Variants in DYNC2H1 observed in about 807,000 individuals in gnomAD.
DYNC2H1 encodes the protein cytoplasmic dynein 2 heavy chain 1.
Under a neutral mutation model 570.0 loss-of-function variants are expected in DYNC2H1, and 410 were observed. That is an observed-to-expected ratio of 0.72 (90% CI 0.66 to 0.78). DYNC2H1 has a LOEUF of 0.78. Among genes scored for constraint, DYNC2H1 ranks in the 30% least tolerant of loss-of-function variants. The pLI, the probability that DYNC2H1 is intolerant of heterozygous loss-of-function variation, is 0.00. For synonymous variants in DYNC2H1, 1,688 were observed against 1,677.6 expected (o/e 1.01, Z -0.15); for missense variants, 4,865 against 5,046.4 (o/e 0.96, Z 1.09).
At chr11:103,462,049 G>C (rs903588683) in intron 87 of DYNC2H1, among the ~76,000 whole-genome samples, 3 of 152,002 alleles carry the variant, frequency 2.0e-5, no homozygotes, top group African/African-American at 2.4e-5. Context: ...TCTTTCCAGT[G>C]GTTTGTTTGA....
intron 85 of DYNC2H1, among the ~76,000 whole-genome samples, chr11:103,440,469 A>G (rs1944227806): frequency 3.3e-5 from 5 of 152,144 alleles, no homozygotes; most frequent in East Asian, 3.9e-4. Context: ...ACGTTGCTCT[A>G]CTACCAAATC....
chr11:103,165,344 G>A (rs1174382303), intron 30 of DYNC2H1, among the ~76,000 whole-genome samples: 1 of 152,096 alleles, frequency 6.6e-6, no homozygotes, highest in Non-Finnish European at 1.5e-5. Flanking sequence ...AACCAGGCTG[G>A]TCTTGAACTC....
chr11:103,122,800 C>T, intron 10 of DYNC2H1, 25 bp from the exon 11 acceptor site: 1 of 1,596,732 alleles, frequency 6.3e-7, no homozygotes, highest in Non-Finnish European at 8.6e-7. Context: ...AAATAATGCA[C>T]ATGTCTGTAA....
At chr11:103,333,809 G>T (rs1426009101) in intron 82 of DYNC2H1, among the ~76,000 whole-genome samples, 1 of 152,056 alleles carries the variant, frequency 6.6e-6, no homozygotes, top group East Asian at 1.9e-4. Flanking sequence ...AATCATTTAA[G>T]GACCATAGAA....
In DYNC2H1 at chr11:103,151,594, A is replaced by G. The variant is rs1860544858; in HGVS notation, c.2947-542A>G. Among the ~76,000 whole-genome samples, 1 of 152,204 alleles carries G rather than the reference A, an allele frequency of 6.6e-6. No homozygotes were observed. Among genetic ancestry groups the G allele is most frequent in the African/African-American group, 2.4e-5 (1 of 41,460 alleles). On this transcript the variant is annotated intron_variant, in intron 20 of 88. Coordinates refer to ENST00000375735, the MANE Select transcript of DYNC2H1 (RefSeq NM_001377.3). This position sits in a 1 kb window ranked among gnomAD's most constrained non-coding sequence, Gnocchi z 4.6. ...TTGACCTACACCCAAACTGTTTAAC[A>G]AACTGTTAGCTATATACAACTTAGG...
intron 83 of DYNC2H1, among the ~76,000 whole-genome samples, chr11:103,365,887 A>G (rs894998040): frequency 1.3e-5 from 2 of 152,392 alleles, no homozygotes; most frequent in South Asian, 4.1e-4. Context: ...AACTAGTTCG[A>G]TCATCTTTAA....
intron 47 of DYNC2H1, among the ~76,000 whole-genome samples, chr11:103,194,653 T>C (rs11225595): frequency 0.038 from 5,822 of 152,280 alleles, 373 homozygotes; most frequent in African/African-American, 0.13. Context: ...TTTTGTGTAA[T>C]ATTTGCTGTC....
chr11:103,135,064 A>C (rs976421268), intron 15 of DYNC2H1, among the ~76,000 whole-genome samples: 1 of 152,128 alleles, frequency 6.6e-6, no homozygotes, highest in Non-Finnish European at 1.5e-5. Flanking sequence ...GAGCAATCTA[A>C]TATTTTAAAT....
rs1863080416 is a variant in DYNC2H1, at chr11:103,209,906, G to C, written c.8485G>C (p.Gly2829Arg). The C allele has an allele frequency of 6.7e-7, 1 of 1,494,298 alleles. No homozygotes were observed. The highest frequency in any genetic ancestry group is 8.9e-7 in the Non-Finnish European group (1 of 1,118,542). 92.6% of individuals were successfully genotyped at this position (1,494,298 alleles called of 1,614,324 possible). A position where few individuals can be genotyped will look rare whatever the true frequency, so the allele number is the denominator to read the frequency against. The change falls in exon 53 of 89, where the codon GGT (glycine) becomes CGT (arginine). Residue 2829 changes from glycine to arginine, a missense_variant. Coordinates refer to ENST00000375735, the MANE Select transcript of DYNC2H1 (RefSeq NM_001377.3). This position sits in a 1 kb window ranked among gnomAD's most constrained non-coding sequence, Gnocchi z 4.2. Reference protein sequence around the residue: ...IPEMLFSETGGGEKYNDKKRK... With the variant: ...IPEMLFSETGRGEKYNDKKRK... ...TGAAATGTTATTCAGTGAAACAGGT[G>C]GTGGAGAAAAATACAATGATAAAAA...
chr11:103,130,128 G>A lies in DYNC2H1; in HGVS notation c.1953+1123G>A, dbSNP rs577961262. Among the ~76,000 whole-genome samples, 7 of 152,280 alleles carry A rather than the reference G, an allele frequency of 4.6e-5. No homozygotes were observed. The South Asian group carries it at 6.2e-4, about 14-fold the overall frequency. ...AACAAATTGTAACACGTGAAATTTCGTGTTACTGGAGAAGATCATTAGAGA... is the reference window on the plus strand; with the variant it reads ...AACAAATTGTAACACGTGAAATTTCATGTTACTGGAGAAGATCATTAGAGA... On this transcript the variant is annotated intron_variant, in intron 13 of 88. Coordinates refer to ENST00000375735, the MANE Select transcript of DYNC2H1 (RefSeq NM_001377.3).
chr11:103,420,049 T>G (rs117513890), intron 84 of DYNC2H1, among the ~76,000 whole-genome samples: 2,555 of 152,014 alleles, frequency 0.017, 42 homozygotes, highest in Non-Finnish European at 0.025. Context: ...GCTTGAAGAC[T>G]GTCTTTCTGA....
chr11:103,258,071 C>T (rs1198620483), intron 69 of DYNC2H1, among the ~76,000 whole-genome samples: 1 of 152,080 alleles, frequency 6.6e-6, no homozygotes, highest in East Asian at 1.9e-4. Context: ...AATATCATTA[C>T]CTGGGGAAAA....
chr11:103,234,201 C>A lies in DYNC2H1; in HGVS notation c.9567+41C>A, dbSNP rs1784259. 0.92 allele frequency: 1,429,908 copies of A among 1,546,654 alleles called. 661,619 individuals are homozygous for A. The highest frequency in any genetic ancestry group is 0.95 in the Admixed American group (48,050 of 50,538). The stretch of plus-strand genomic sequence containing the variant: ...GGGCCATGAGGAGTCTACCTTTAAA[C>A]TGCAGGAAATCTATAATGTAATGTA... On this transcript the variant is annotated intron_variant, in intron 61 of 88. Coordinates refer to ENST00000375735, the MANE Select transcript of DYNC2H1 (RefSeq NM_001377.3).
chr11:103,430,896 G>A (rs982582456), intron 84 of DYNC2H1, among the ~76,000 whole-genome samples: 10 of 152,044 alleles, frequency 6.6e-5, no homozygotes, highest in East Asian at 1.9e-4. Context: ...AGTGCTTATC[G>A]CTATTAGGGA....
chr11:103,352,265 C>T (rs2566922), intron 82 of DYNC2H1, among the ~76,000 whole-genome samples: 102,624 of 151,628 alleles, frequency 0.68, 34,784 homozygotes, highest in Admixed American at 0.73. Flanking sequence ...TTTTGTTTCC[C>T]CTTATTGTTA....
rs1049787044 is a variant in DYNC2H1 at position 103,157,073 on chromosome 11, A to G, written c.4127+303A>G. ...CAATTTTTATTTTACTTTATCTCTC[A>G]TTAGTATTTAATAGAGTTGAGCATT... On this transcript the variant is annotated intron_variant, in intron 26 of 88. Coordinates refer to ENST00000375735, the MANE Select transcript of DYNC2H1 (RefSeq NM_001377.3). This position sits in a 1 kb window ranked among gnomAD's most constrained non-coding sequence, Gnocchi z 4.2. Among the ~76,000 whole-genome samples the G allele has an allele frequency of 1.3e-5, 2 of 152,122 alleles. No homozygotes were observed. The highest frequency in any genetic ancestry group is 2.9e-5 in the Non-Finnish European group (2 of 68,002).
intron 75 of DYNC2H1, among the ~76,000 whole-genome samples, chr11:103,297,500 ACAC>A (rs1183114259): frequency 6.6e-6 from 1 of 152,150 alleles, no homozygotes; most frequent in Non-Finnish European, 1.5e-5. Context: ...ACCCTCAGAC[ACAC>A]CTAGGCTATG....
At chr11:103,276,382 C>A (rs1288410233) in intron 70 of DYNC2H1, among the ~76,000 whole-genome samples, 2 of 151,788 alleles carry the variant, frequency 1.3e-5, no homozygotes, top group African/African-American at 4.8e-5. Flanking sequence ...TTTATAATTA[C>A]ACATACATAT....
At chr11:103,302,488 A>G (rs1253073858) in intron 75 of DYNC2H1, among the ~76,000 whole-genome samples, 1 of 152,114 alleles carries the variant, frequency 6.6e-6, no homozygotes, top group Non-Finnish European at 1.5e-5. Context: ...TCATTTGGCT[A>G]ACAAATATAA....
Sources: gnomAD v4.1 joint callset for allele counts (sites outside exome capture counted in the v4.1 genomes callset) on GRCh38, gnomAD v4.1.1 for gene constraint, Gnocchi (gnomAD v3.1) non-coding constraint, MANE v1.5 for transcripts, NCBI Gene and HGNC (gene_info 2026-07-23, HGNC 2026-07-21) for gene names.